Variants in PRKCA observed in about 807,000 individuals in gnomAD.
PRKCA encodes protein kinase C alpha type.
A neutral mutation model predicts 87.0 loss-of-function variants in PRKCA; 27 were observed. The ratio of observed to expected loss-of-function variants is 0.31; its 90% CI spans 0.23 to 0.43. PRKCA has a LOEUF of 0.43. Ranked by LOEUF, PRKCA falls within the 20% of genes least tolerant of loss-of-function variation. PRKCA has a pLI of 1.00. For missense variants in PRKCA, 518 were observed against 852.3 expected (o/e 0.61, Z 4.88); for synonymous variants, 329 against 311.1 (o/e 1.06, Z -0.61).
At chr17:66,651,634 T>C (rs1971593026) in intron 5 of PRKCA, among the ~76,000 whole-genome samples, 7 of 152,196 alleles carry the variant, frequency 4.6e-5, no homozygotes, top group Admixed American at 4.6e-4. Context: ...TCATTTCTGT[T>C]CAATAAATCT....
At chr17:66,718,912 C>G (rs1304493634) in intron 8 of PRKCA, among the ~76,000 whole-genome samples, 1 of 152,196 alleles carries the variant, frequency 6.6e-6, no homozygotes, top group South Asian at 2.1e-4. Context: ...TTTAGACACA[C>G]AACCCAAAAG....
chr17:66,374,387 C>T (rs1047431263), intron 2 of PRKCA, among the ~76,000 whole-genome samples: 8 of 152,106 alleles, frequency 5.3e-5, no homozygotes, highest in Non-Finnish European at 8.8e-5. Context: ...GTTGAGGGCC[C>T]GCATATCTGT....
At chr17:66,337,177 A>G (rs1323156167) in intron 2 of PRKCA, among the ~76,000 whole-genome samples, 2 of 152,078 alleles carry the variant, frequency 1.3e-5, no homozygotes, top group Non-Finnish European at 2.9e-5. Flanking sequence ...CTTGGGAGGA[A>G]GATAGGAAGG....
intron 2 of PRKCA, among the ~76,000 whole-genome samples, chr17:66,486,394 C>T (rs765135503): frequency 1.4e-3 from 209 of 152,190 alleles, no homozygotes; most frequent in Non-Finnish European, 2.8e-3. Context: ...TCATCATCTG[C>T]ATCCTTCTAA....
intron 14 of PRKCA, chr17:66,777,986 A>C (rs1975101438): frequency 1.0e-6 from 1 of 985,356 alleles, no homozygotes; most frequent in South Asian, 4.7e-5. Context: ...TGGGGGGTGC[A>C]TTTTGAAGCT....
chr17:66,573,777 A>C (rs1195023877), intron 3 of PRKCA, among the ~76,000 whole-genome samples: 1 of 152,210 alleles, frequency 6.6e-6, no homozygotes, highest in African/African-American at 2.4e-5. Context: ...CACTGAACTC[A>C]TAAAAATATT....
At chr17:66,663,486 T>C (rs1286429875) in intron 5 of PRKCA, among the ~76,000 whole-genome samples, 1 of 152,184 alleles carries the variant, frequency 6.6e-6, no homozygotes, top group Non-Finnish European at 1.5e-5. Context: ...AGGGGAAAGA[T>C]GAGGGAGGGG....
At chr17:66,635,107 G>A (rs927752715) in intron 3 of PRKCA, among the ~76,000 whole-genome samples, 9 of 152,270 alleles carry the variant, frequency 5.9e-5, no homozygotes, top group South Asian at 2.1e-4. Flanking sequence ...TGGAGTCCTG[G>A]CAGGTGGAGG....
At chr17:66,613,925 G>A (rs1970445721) in intron 3 of PRKCA, among the ~76,000 whole-genome samples, 1 of 151,158 alleles carries the variant, frequency 6.6e-6, no homozygotes, top group South Asian at 2.1e-4. Flanking sequence ...TAGGACTACA[G>A]GTGTGCACCA....
intron 6 of PRKCA, among the ~76,000 whole-genome samples, chr17:66,687,794 A>G (rs1972669056): frequency 6.6e-6 from 1 of 152,188 alleles, no homozygotes; most frequent in South Asian, 2.1e-4. Context: ...GAGAAGGGGA[A>G]GAAGGAAGGA....
chr17:66,406,681 A>G (rs1406409288), intron 2 of PRKCA, among the ~76,000 whole-genome samples: 1 of 147,382 alleles, frequency 6.8e-6, no homozygotes, highest in African/African-American at 2.5e-5. Context: ...AGAACTTAAA[A>G]TTTAAAGAAT....
At chr17:66,616,509 C>G (rs1209888294) in intron 3 of PRKCA, among the ~76,000 whole-genome samples, 3 of 152,144 alleles carry the variant, frequency 2.0e-5, no homozygotes, top group Non-Finnish European at 4.4e-5. Flanking sequence ...TCTGCTGTGC[C>G]CAGGCACCGT....
chr17:66,678,759 CTGTTTT>C (rs1972407022), intron 5 of PRKCA, among the ~76,000 whole-genome samples: 1 of 151,822 alleles, frequency 6.6e-6, no homozygotes, highest in Non-Finnish European at 1.5e-5. Context: ...GAAATGAACA[CTGTTTT>C]AGATACATTT....
intron 3 of PRKCA, among the ~76,000 whole-genome samples, chr17:66,539,482 C>T (rs1967906698): frequency 6.6e-6 from 1 of 151,692 alleles, no homozygotes. Context: ...CGGCTCACTG[C>T]AAGCTCCGCC....
chr17:66,775,819 A>G (rs1975034225), intron 14 of PRKCA: 1 of 951,398 alleles, frequency 1.1e-6, no homozygotes, highest in South Asian at 4.8e-5. Flanking sequence ...ACAGACGAGA[A>G]TCCTTAACTT....
At chr17:66,438,994 A>T (rs1913565107) in intron 2 of PRKCA, among the ~76,000 whole-genome samples, 1 of 152,152 alleles carries the variant, frequency 6.6e-6, no homozygotes, top group Non-Finnish European at 1.5e-5. Flanking sequence ...GGAATGAAAC[A>T]TCCCCTCTCA....
chr17:66,694,972 C>G (rs995814781), intron 8 of PRKCA, among the ~76,000 whole-genome samples: 4 of 152,020 alleles, frequency 2.6e-5, no homozygotes, highest in African/African-American at 9.7e-5. Context: ...TGGAGTTGTC[C>G]TAGAATCAAG....
intron 3 of PRKCA, among the ~76,000 whole-genome samples, chr17:66,547,404 G>A (rs1361714383): frequency 6.6e-6 from 1 of 151,894 alleles, no homozygotes; most frequent in East Asian, 1.9e-4. Flanking sequence ...TCCTCCCAAG[G>A]GGATAGGAAC....
intron 3 of PRKCA, among the ~76,000 whole-genome samples, chr17:66,614,613 C>G (rs1048682414): frequency 1.2e-4 from 19 of 152,220 alleles, no homozygotes; most frequent in African/African-American, 3.6e-4. Context: ...ACTACATGGG[C>G]CTCAGTTTCC....
Sources: allele counts gnomAD v4.1 joint callset (sites outside exome capture counted in the v4.1 genomes callset), GRCh38; gene constraint gnomAD v4.1.1; transcripts MANE v1.5; gene names NCBI Gene and HGNC (gene_info 2026-07-23, HGNC 2026-07-21).